ALK: variants seen among roughly 807,000 people sequenced by gnomAD.
The protein encoded by ALK is ALK tyrosine kinase receptor.
ALK carries 74 observed loss-of-function variants against 163.1 expected under a neutral mutation model. The observed-to-expected ratio is 0.45, with a 90% CI of 0.38 to 0.55. The LOEUF is 0.55. Among genes scored for constraint, ALK ranks in the 20% least tolerant of loss-of-function variants. ALK has a pLI of 0.00. For missense variants in ALK, 2,063 were observed against 2,105.3 expected (o/e 0.98, Z 0.39); for synonymous variants, 960 against 843.2 (o/e 1.14, Z -2.40).
intron 3 of ALK, among the ~76,000 whole-genome samples, chr2:29,674,496 G>C (rs1308413856): frequency 6.7e-6 from 1 of 148,534 alleles, no homozygotes; most frequent in Non-Finnish European, 1.5e-5. Flanking sequence ...TGCGTATATT[G>C]AACCAGCCTT....
intron 4 of ALK, among the ~76,000 whole-genome samples, chr2:29,530,935 C>T (rs1673103378): frequency 1.3e-5 from 2 of 152,190 alleles, no homozygotes; most frequent in South Asian, 4.1e-4. Flanking sequence ...CTAAGTGCAA[C>T]TAAATACAGA....
chr2:29,890,587 T>C (rs1053682566), intron 1 of ALK: 5 of 152,216 alleles, frequency 3.3e-5, no homozygotes, highest in Admixed American at 1.3e-4. Context: ...TTGTCATCTA[T>C]TTGAATGATG....
intron 3 of ALK, among the ~76,000 whole-genome samples, chr2:29,541,424 G>C (rs926272894): frequency 6.6e-6 from 1 of 152,108 alleles, no homozygotes; most frequent in Non-Finnish European, 1.5e-5. Flanking sequence ...TCCTGAGTAG[G>C]TGGGATTACA....
At chr2:29,554,591 T>A (rs1335616890) in intron 3 of ALK, among the ~76,000 whole-genome samples, 1 of 152,170 alleles carries the variant, frequency 6.6e-6, no homozygotes, top group Non-Finnish European at 1.5e-5. Flanking sequence ...GGAAGGAAGA[T>A]CTGGCAATGT....
At position 29,290,708 on chromosome 2, in the gene ALK, CT is replaced by C. The variant is rs375223633; in HGVS notation, c.1817+6179del. Among the ~76,000 whole-genome samples the C allele has an allele frequency of 4.6e-5, 7 of 152,276 alleles. No individual in the cohort carries two copies. The East Asian group carries it at 1.3e-3, about 29-fold the overall frequency. ...GTATAACTAAAGGTTATTTTTATGC[CT>C]TGGTTAGACTTGGTACATGAATAGA... On this transcript the variant is annotated intron_variant, in intron 9 of 28. Transcript: ENST00000389048.
At chr2:29,545,434 G>C (rs1461618432) in intron 3 of ALK, among the ~76,000 whole-genome samples, 1 of 152,206 alleles carries the variant, frequency 6.6e-6, no homozygotes, top group African/African-American at 2.4e-5. Context: ...AGAATAAAGA[G>C]GAGGTGGGAC....
intron 1 of ALK, among the ~76,000 whole-genome samples, chr2:29,846,668 C>T (rs1665851188): frequency 6.6e-6 from 1 of 152,204 alleles, no homozygotes; most frequent in African/African-American, 2.4e-5. Flanking sequence ...TGCAAGAAAG[C>T]AATACCATCC....
chr2:29,220,645 C>T (rs1239447986), intron 23 of ALK, 61 bp downstream of exon 23: 34 of 1,610,212 alleles, frequency 2.1e-5, no homozygotes, highest in Non-Finnish European at 2.8e-5. Flanking sequence ...CACTCTTGCT[C>T]CTTCCATCCT....
chr2:29,709,134 C>T (rs1040174365), intron 2 of ALK, among the ~76,000 whole-genome samples: 2 of 152,168 alleles, frequency 1.3e-5, no homozygotes, highest in South Asian at 2.1e-4. Flanking sequence ...AAGAGAAATT[C>T]CTCAGCTCAC....
chr2:29,354,576 A>G (rs928882887), intron 5 of ALK, among the ~76,000 whole-genome samples: 6 of 111,598 alleles, frequency 5.4e-5, no homozygotes, highest in Non-Finnish European at 1.1e-4. Context: ...CTTCTTCTCA[A>G]TGTCCCAGTT....
At chr2:29,650,795 A>C (rs1271568510) in intron 3 of ALK, among the ~76,000 whole-genome samples, 1 of 152,098 alleles carries the variant, frequency 6.6e-6, no homozygotes, top group Non-Finnish European at 1.5e-5. Flanking sequence ...TGGCAAGTGA[A>C]AGTGTGTGCC....
chr2:29,292,149 G>A lies in ALK; in HGVS notation c.1817+4739C>T, dbSNP rs181567453. ...TTTCTTGTTAGACTATGTATGTAGT[G>A]TACGGCTAAAAGCCTTTATAATGAT... On this transcript the variant is annotated intron_variant, in intron 9 of 28. Coordinates refer to ENST00000389048, the MANE Select transcript of ALK (RefSeq NM_004304.5). 3.3e-4 allele frequency among the ~76,000 whole-genome samples: 51 copies of A among 152,374 alleles called. 1 individual carries two copies. In the South Asian group the frequency reaches 6.4e-3, roughly 19 times the overall value.
intron 5 of ALK, among the ~76,000 whole-genome samples, chr2:29,376,128 T>TC (rs1403860857): frequency 1.7e-4 from 25 of 148,954 alleles, no homozygotes; most frequent in Non-Finnish European, 3.0e-4. Flanking sequence ...CATAAACTTC[T>TC]CCCCCACACA....
At chr2:29,254,899 G>C (rs1030677276) in intron 11 of ALK, among the ~76,000 whole-genome samples, 1 of 152,106 alleles carries the variant, frequency 6.6e-6, no homozygotes, top group Non-Finnish European at 1.5e-5. Flanking sequence ...CAATTCAGTG[G>C]ACATACATTA....
chr2:29,902,307 G>T (rs1206128343), intron 1 of ALK, among the ~76,000 whole-genome samples: 1 of 152,156 alleles, frequency 6.6e-6, no homozygotes, highest in Non-Finnish European at 1.5e-5. Context: ...TAGAAAGCTT[G>T]AATTTCTCTT....
intron 5 of ALK, among the ~76,000 whole-genome samples, chr2:29,365,368 G>A (rs1189267297): frequency 1.3e-5 from 2 of 152,196 alleles, no homozygotes; most frequent in Non-Finnish European, 2.9e-5. Flanking sequence ...ATGGGATTAG[G>A]GCAGGGTGAT....
chr2:29,379,181 T>C (rs1668833877), intron 5 of ALK, among the ~76,000 whole-genome samples: 1 of 152,208 alleles, frequency 6.6e-6, no homozygotes, highest in Admixed American at 6.5e-5. Flanking sequence ...AAGGGTTCCC[T>C]GGGAGCCCAG....
intron 13 of ALK, among the ~76,000 whole-genome samples, chr2:29,235,856 C>CTTT (rs569363324): frequency 0.14 from 5,207 of 38,240 alleles, 1,305 homozygotes; most frequent in Non-Finnish European, 0.2. Flanking sequence ...CCAGGCTCGA[C>CTTT]TTTTTTTTTT....
chr2:29,349,139 C>CAGCTGAA (rs1668037963), intron 5 of ALK, among the ~76,000 whole-genome samples: 1 of 152,170 alleles, frequency 6.6e-6, no homozygotes, highest in African/African-American at 2.4e-5. Flanking sequence ...GTCCCCACTC[C>CAGCTGAA]AGCTGAAAGG....
Sources: allele counts gnomAD v4.1 joint callset (sites outside exome capture counted in the v4.1 genomes callset), GRCh38; gene constraint gnomAD v4.1.1; transcripts MANE v1.5; gene names NCBI Gene and HGNC (gene_info 2026-07-23, HGNC 2026-07-21).